CRACD: variants seen among roughly 807,000 people sequenced by gnomAD.
CRACD encodes capping protein-inhibiting regulator of actin dynamics.
In CRACD, 56 loss-of-function variants were observed where a neutral mutation model predicts 106.8. The observed-to-expected ratio is 0.52, with a 90% CI of 0.42 to 0.66. CRACD has a LOEUF of 0.66. Among genes scored for constraint, CRACD ranks in the 30% least tolerant of loss-of-function variants. CRACD has a pLI of 0.00. For synonymous variants in CRACD, 754 were observed against 670.8 expected (o/e 1.12, Z -1.92); for missense variants, 1,730 against 1,623.2 (o/e 1.07, Z -1.13).
At chr4:56,079,446 T>C (rs531444542) in intron 1 of CRACD, among the ~76,000 whole-genome samples, 2 of 151,450 alleles carry the variant, frequency 1.3e-5, no homozygotes, top group East Asian at 3.9e-4. Flanking sequence ...TTTTTTCTTC[T>C]TTTCTTTTTT....
intron 2 of CRACD, among the ~76,000 whole-genome samples, chr4:56,264,953 G>A (rs892868598): frequency 3.3e-5 from 5 of 152,110 alleles, no homozygotes; most frequent in Non-Finnish European, 4.4e-5. Flanking sequence ...AGAGAAAACC[G>A]TTTCTTCTTT....
intron 3 of CRACD, chr4:56,288,381 C>G (rs1057471274): frequency 4.2e-6 from 1 of 236,172 alleles, no homozygotes; most frequent in Middle Eastern, 1.7e-3. Flanking sequence ...TGTATCAGCT[C>G]TTGCCCCCCG....
intron 1 of CRACD, among the ~76,000 whole-genome samples, chr4:56,078,752 C>T (rs753297918): frequency 2.2e-4 from 33 of 152,122 alleles, no homozygotes; most frequent in Non-Finnish European, 4.7e-4. Context: ...TTCACTTTTC[C>T]CTTGAGTCTC....
intron 2 of CRACD, among the ~76,000 whole-genome samples, chr4:56,248,612 A>T (rs1331605809): frequency 6.6e-6 from 1 of 151,270 alleles, no homozygotes; most frequent in African/African-American, 2.4e-5. Flanking sequence ...TTTAGGGTAC[A>T]TGTGCACATT....
chr4:56,094,616 G>A (rs1400029536), intron 1 of CRACD, among the ~76,000 whole-genome samples: 1 of 152,030 alleles, frequency 6.6e-6, no homozygotes, highest in Non-Finnish European at 1.5e-5. Flanking sequence ...ACCACACTCA[G>A]CTAATTTTTG....
chr4:56,092,692 C>T (rs1426229900), intron 1 of CRACD, among the ~76,000 whole-genome samples: 2 of 152,042 alleles, frequency 1.3e-5, no homozygotes, highest in South Asian at 2.1e-4. Flanking sequence ...GCCTTAAACT[C>T]TTGGGCTCAA....
In CRACD at chr4:56,246,221, G is replaced by C. The variant is rs370650655; in HGVS notation, c.-188-26100G>C. On this transcript the variant is annotated intron_variant, in intron 2 of 10. Transcript: ENST00000682029. ...TTTTTCTATCCTCTGAAAGTAGAAA[G>C]TGCTGAATGGAACTAAAGCTTCTCA... 6.6e-5 allele frequency among the ~76,000 whole-genome samples: 10 copies of C among 152,184 alleles called. No homozygotes were observed. In the South Asian group the frequency reaches 8.3e-4, roughly 13 times the overall value.
intron 2 of CRACD, among the ~76,000 whole-genome samples, chr4:56,262,612 A>G (rs1280545285): frequency 2.0e-5 from 3 of 152,186 alleles, no homozygotes; most frequent in African/African-American, 4.8e-5. Flanking sequence ...AGGGAAACCA[A>G]AAGATTGGAC....
intron 1 of CRACD, among the ~76,000 whole-genome samples, chr4:56,151,536 G>A (rs1420471511): frequency 6.6e-6 from 1 of 151,796 alleles, no homozygotes; most frequent in South Asian, 2.1e-4. Context: ...TATGAATGAG[G>A]ATATTCTCCT....
At chr4:56,229,280 G>A (rs1739481174) in intron 2 of CRACD, among the ~76,000 whole-genome samples, 1 of 152,116 alleles carries the variant, frequency 6.6e-6, no homozygotes, top group South Asian at 2.1e-4. Flanking sequence ...TTATGAATGG[G>A]ATTCATGCCC....
At chr4:56,119,436 T>C (rs1734408200) in intron 1 of CRACD, among the ~76,000 whole-genome samples, 1 of 151,846 alleles carries the variant, frequency 6.6e-6, no homozygotes, top group African/African-American at 2.4e-5. Flanking sequence ...GCTCAAGCGA[T>C]CCTCCCACCT....
At chr4:56,304,305 C>T in intron 4 of CRACD, among the ~76,000 whole-genome samples, 1 of 118,488 alleles carries the variant, frequency 8.4e-6, no homozygotes, top group African/African-American at 3.3e-5. Flanking sequence ...TTTTCCTGTT[C>T]TTATTCCTTT....
rs1735115353 is a variant in CRACD, at chr4:56,139,331, C to T, written c.-335-39953C>T. Among the ~76,000 whole-genome samples the T allele has an allele frequency of 2.0e-5, 3 of 148,904 alleles. No individual in the cohort carries two copies. In the South Asian group the frequency reaches 6.3e-4, roughly 31 times the overall value. ...TCTCTCTCCCTTCCTCTCTTCCTCTCTCTTTCTCTCTCTCTTTCTTTCCCC... is the reference window on the plus strand; with the variant it reads ...TCTCTCTCCCTTCCTCTCTTCCTCTTTCTTTCTCTCTCTCTTTCTTTCCCC... On this transcript the variant is annotated intron_variant, in intron 1 of 10. Coordinates refer to ENST00000682029, the MANE Select transcript of CRACD (RefSeq NM_001393381.1).
chr4:56,296,359 A>T (rs981619425), intron 3 of CRACD, among the ~76,000 whole-genome samples: 7 of 152,164 alleles, frequency 4.6e-5, no homozygotes, highest in Non-Finnish European at 8.8e-5. Context: ...GTAAGGGTTG[A>T]TGTTTATAAT....
chr4:56,323,773 G>C (rs1270779111), intron 9 of CRACD, among the ~76,000 whole-genome samples: 5 of 152,218 alleles, frequency 3.3e-5, no homozygotes, highest in African/African-American at 1.2e-4. Context: ...AGGTTAACCT[G>C]ATTTGCCATA....
intron 1 of CRACD, among the ~76,000 whole-genome samples, chr4:56,168,275 A>G (rs937281578): frequency 7.2e-5 from 11 of 151,942 alleles, no homozygotes; most frequent in Admixed American, 2.0e-4. Flanking sequence ...TTAGAAAAGG[A>G]TGTTGTTTTT....
chr4:56,155,613 G>C lies in CRACD; in HGVS notation c.-335-23671G>C, dbSNP rs144605596. ...TTATTATTGCTCCCATTTTACAGATGAGGAAACTGAGGCCCAAGCCAGATT... is the reference window on the plus strand; with the variant it reads ...TTATTATTGCTCCCATTTTACAGATCAGGAAACTGAGGCCCAAGCCAGATT... On this transcript the variant is annotated intron_variant, in intron 1 of 10. Transcript: ENST00000682029. Among the ~76,000 whole-genome samples, 716 of 152,266 alleles carry C rather than the reference G, an allele frequency of 4.7e-3. 11 individuals carry two copies. The highest frequency in any genetic ancestry group is 0.016 in the African/African-American group (677 of 41,560).
At chr4:56,111,197 G>A (rs906073584) in intron 1 of CRACD, among the ~76,000 whole-genome samples, 41 of 152,248 alleles carry the variant, frequency 2.7e-4, no homozygotes, top group African/African-American at 9.6e-4. Flanking sequence ...AGGTATGGAT[G>A]TGGACGGGGG....
chr4:56,081,796 C>T (rs1241223487), intron 1 of CRACD, among the ~76,000 whole-genome samples: 1 of 151,708 alleles, frequency 6.6e-6, no homozygotes, highest in African/African-American at 2.4e-5. Context: ...GCCAACATGG[C>T]GAAACCCCAT....
Sources: allele counts gnomAD v4.1 joint callset (sites outside exome capture counted in the v4.1 genomes callset), GRCh38; gene constraint gnomAD v4.1.1; transcripts MANE v1.5; gene names NCBI Gene and HGNC (gene_info 2026-07-23, HGNC 2026-07-21).